Variants in EVL observed in about 807,000 individuals in gnomAD.
EVL encodes Enah/Vasp-like.
In EVL, 21 loss-of-function variants were observed where a neutral mutation model predicts 59.6. The ratio of observed to expected loss-of-function variants is 0.35; its 90% CI spans 0.25 to 0.51. The LOEUF is 0.51. EVL is among the 20% of genes least tolerant of loss of function. EVL has a pLI of 0.97. For synonymous variants in EVL, 198 were observed against 203.5 expected (o/e 0.97, Z 0.23); for missense variants, 462 against 546.6 (o/e 0.85, Z 1.54).
intron 3 of EVL, among the ~76,000 whole-genome samples, chr14:100,121,965 C>T (rs1887727679): frequency 6.6e-6 from 1 of 152,310 alleles, no homozygotes; most frequent in African/African-American, 2.4e-5. Context: ...AAATCCAGAT[C>T]CAGGAGTGAA....
At position 100,129,622 on chromosome 14, in the gene EVL, G is replaced by C. The variant is rs267604123; in HGVS notation, c.777G>C (p.Arg259=). 26 of 1,612,762 alleles carry C rather than the reference G, an allele frequency of 1.6e-5. 1 individual carries two copies. The South Asian group carries it at 2.6e-4, about 16-fold the overall frequency. The change falls in exon 7 of 14, where the codon CGG becomes CGC. Residue 259 remains arginine, a synonymous_variant. Transcript: ENST00000392920. ...GGACCTCAAAGTCCGATGCCAACCG[G>C]GCAAGCAGCGGGGGTGGCGGAGGAG... The part of the protein sequence containing the change: ...PSGTSKSDAN[R]ASSGGGGGGL...
chr14:99,982,968 G>T (rs2060817331), intron 1 of EVL, among the ~76,000 whole-genome samples: 1 of 152,124 alleles, frequency 6.6e-6, no homozygotes, highest in African/African-American at 2.4e-5. Flanking sequence ...AGAGGGTTTT[G>T]TGAGGATCAA....
In EVL at chr14:100,039,076, A is replaced by G. The variant is rs972868819; in HGVS notation, c.6-45611A>G. Among the ~76,000 whole-genome samples the G allele has an allele frequency of 1.2e-4, 19 of 152,302 alleles. 1 individual carries two copies. Among genetic ancestry groups the G allele is most frequent in the Admixed American group, 2.0e-4 (3 of 15,290 alleles). Reference sequence around the variant, plus strand: ...GAACTGAAGGGAAAAAGGACAGGTAAGAACATTTGAGCTTTTCAAAGTTAA... The same window carrying G: ...GAACTGAAGGGAAAAAGGACAGGTAGGAACATTTGAGCTTTTCAAAGTTAA... On this transcript the variant is annotated intron_variant, in intron 1 of 13. Transcript: ENST00000402714.
intron 1 of EVL, among the ~76,000 whole-genome samples, chr14:100,042,527 C>G (rs2061482504): frequency 1.3e-5 from 2 of 152,160 alleles, no homozygotes; most frequent in Admixed American, 6.5e-5. Flanking sequence ...TCCTTAAACT[C>G]CCCCATCTCT....
intron 1 of EVL, among the ~76,000 whole-genome samples, chr14:99,973,587 C>A (rs545629508): frequency 1.3e-5 from 2 of 152,126 alleles, no homozygotes; most frequent in Non-Finnish European, 2.9e-5. Context: ...CTCAGCTTCC[C>A]GAGTAGCTGG....
At chr14:100,124,980 T>C (rs1340358178) in intron 4 of EVL, among the ~76,000 whole-genome samples, 3 of 150,540 alleles carry the variant, frequency 2.0e-5, no homozygotes, top group Admixed American at 2.0e-4. Flanking sequence ...ACACACCTGC[T>C]GCAAGACGAG....
chr14:100,112,120 G>A (rs1389865929), intron 3 of EVL, among the ~76,000 whole-genome samples: 2 of 152,182 alleles, frequency 1.3e-5, no homozygotes, highest in Non-Finnish European at 2.9e-5. Flanking sequence ...AGTTTTACAA[G>A]TAGCCTCCTG....
chr14:100,091,365 G>A (rs1567012015), intron 2 of EVL, among the ~76,000 whole-genome samples: 1 of 150,624 alleles, frequency 6.6e-6, no homozygotes, highest in Non-Finnish European at 1.5e-5. Flanking sequence ...AGGAGAATCT[G>A]AATCAACAGG....
At chr14:100,116,590 T>C (rs886520069) in intron 3 of EVL, among the ~76,000 whole-genome samples, 1 of 152,204 alleles carries the variant, frequency 6.6e-6, no homozygotes, top group Non-Finnish European at 1.5e-5. Flanking sequence ...TCTGCCTGCC[T>C]TTGGCTGTAT....
intron 1 of EVL, among the ~76,000 whole-genome samples, chr14:100,066,232 C>A (rs997206639): frequency 2.6e-5 from 4 of 152,168 alleles, no homozygotes; most frequent in Non-Finnish European, 4.4e-5. Context: ...AAGTAACAAT[C>A]CCTCACTTTG....
Position 100,097,502 on chromosome 14 carries a change from G to T in EVL, c.202G>T (p.Val68Leu), listed in dbSNP as rs142517890. The change falls in exon 3 of 14, where the codon GTG becomes TTG. Residue 68 changes from valine (V) to leucine (L), a missense_variant. By Grantham distance (32) the Val-to-Leu change is conservative (BLOSUM62 1). Transcript: ENST00000392920. ...CCAGGTTGTGATCAATTATTCAATC[G>T]TGAAAGGGCTGAAGTACAATCAGGC... ...DQQVVINYSI[V>L]KGLKYNQATP... 6.2e-7 allele frequency: 1 copy of T among 1,608,720 alleles called. No individual in the cohort carries two copies. The highest frequency in any genetic ancestry group is 8.5e-7 in the Non-Finnish European group (1 of 1,178,100).
At chr14:100,101,373 C>T (rs1886212238) in intron 3 of EVL, among the ~76,000 whole-genome samples, 3 of 152,150 alleles carry the variant, frequency 2.0e-5, no homozygotes, top group Admixed American at 6.5e-5. Flanking sequence ...CCCAGTTACT[C>T]GGGAGGCTGA....
intron 1 of EVL, among the ~76,000 whole-genome samples, chr14:100,012,114 G>A (rs2061020407): frequency 6.6e-6 from 1 of 152,082 alleles, no homozygotes; most frequent in African/African-American, 2.4e-5. Flanking sequence ...ATGGAGCCAG[G>A]GTTCAAAAGG....
intron 1 of EVL, among the ~76,000 whole-genome samples, chr14:100,005,432 T>G (rs2060972135): frequency 6.6e-6 from 1 of 152,204 alleles, no homozygotes; most frequent in Admixed American, 6.5e-5. Context: ...GTAACCCCTA[T>G]GCCAAATTTT....
chr14:100,047,349 C>T (rs1353878485), intron 1 of EVL, among the ~76,000 whole-genome samples: 1 of 151,974 alleles, frequency 6.6e-6, no homozygotes, highest in African/African-American at 2.4e-5. Flanking sequence ...AAGCAGGAAG[C>T]ATAGCCTATC....
At chr14:100,046,560 G>A (rs1051667683) in intron 1 of EVL, among the ~76,000 whole-genome samples, 4 of 152,004 alleles carry the variant, frequency 2.6e-5, no homozygotes, top group Admixed American at 6.6e-5. Context: ...CCAGCTACTC[G>A]GGAGTCTGAG....
chr14:100,123,793 A>G (rs1887854292), intron 4 of EVL, among the ~76,000 whole-genome samples, 191 bp downstream of exon 4: 1 of 152,188 alleles, frequency 6.6e-6, no homozygotes, highest in South Asian at 2.1e-4. Context: ...CTGGTCCCGG[A>G]CACCAAGACC....
intron 1 of EVL, among the ~76,000 whole-genome samples, chr14:100,070,204 C>G (rs543307121): frequency 1.4e-4 from 22 of 152,236 alleles, no homozygotes; most frequent in African/African-American, 5.3e-4. Flanking sequence ...GCAGTTCAAG[C>G]CTGCAGTGAG....
intron 1 of EVL, among the ~76,000 whole-genome samples, chr14:100,073,383 G>A (rs1444314319): frequency 1.3e-5 from 2 of 148,788 alleles, no homozygotes; most frequent in East Asian, 2.0e-4. Flanking sequence ...GTGCAGTGGT[G>A]CAAACACGGT....
Sources: allele counts gnomAD v4.1 joint callset (sites outside exome capture counted in the v4.1 genomes callset), GRCh38; gene constraint gnomAD v4.1.1; transcripts MANE v1.5; gene names NCBI Gene and HGNC (gene_info 2026-07-23, HGNC 2026-07-21).